The following PRELID2 variants were observed in gnomAD, a reference collection of about 807,000 sequenced individuals.
PRELID2 encodes the protein PRELI domain containing 2, also known as PRELI domain-containing protein 2.
In PRELID2, 25 loss-of-function variants were observed where a neutral mutation model predicts 28.4. That is an observed-to-expected ratio of 0.88 (90% CI 0.64 to 1.23). PRELID2 has a LOEUF of 1.23. PRELID2 is among the 50% of genes most tolerant of loss of function. The probability of loss-of-function intolerance (pLI) is 0.00; values close to 1 mark genes in which losing one functional copy is unlikely to be tolerated. For synonymous variants in PRELID2, 76 were observed against 71.6 expected, an observed-to-expected ratio of 1.06 and a Z score of -0.31; for missense variants, 201 against 214.4, an observed-to-expected ratio of 0.94 and a Z score of 0.39.
chr5:145,682,795 A>C (rs1214153940), intron 1 of PRELID2, among the ~76,000 whole-genome samples: 1 of 152,168 alleles, frequency 6.6e-6, no homozygotes, highest in East Asian at 1.9e-4. Flanking sequence ...GTTACTTGCC[A>C]ATGACCATCG....
chr5:145,410,354 G>A, the PRELID2 span, among the ~76,000 whole-genome samples: 1 of 152,172 alleles, frequency 6.6e-6, no homozygotes. Context: ...CAAAAGAAAT[G>A]ATCAGCAGTG....
chr5:145,538,582 C>T (rs1752721202), intron 1 of PRELID2, among the ~76,000 whole-genome samples: 3 of 151,950 alleles, frequency 2.0e-5, no homozygotes, highest in South Asian at 2.1e-4. Context: ...AAGCATTCTG[C>T]TACTAAAATA....
chr5:145,300,084 T>C, the PRELID2 span, among the ~76,000 whole-genome samples: 1 of 152,170 alleles, frequency 6.6e-6, no homozygotes, highest in East Asian at 1.9e-4. Flanking sequence ...TTGTCCCATC[T>C]TCACTGCCTG....
intron 1 of PRELID2, among the ~76,000 whole-genome samples, chr5:145,701,471 G>A (rs1461163975): frequency 6.6e-6 from 1 of 152,196 alleles, no homozygotes; most frequent in Non-Finnish European, 1.5e-5. Context: ...CTGAACAATA[G>A]TATTGATTTT....
chr5:145,269,358 A>G, the PRELID2 span, among the ~76,000 whole-genome samples: 3 of 152,072 alleles, frequency 2.0e-5, no homozygotes, highest in Non-Finnish European at 4.4e-5. Context: ...TGGCCAAATG[A>G]TTTTTGACAA....
At chr5:145,704,626 G>A (rs1012351275) in intron 1 of PRELID2, among the ~76,000 whole-genome samples, 2 of 152,188 alleles carry the variant, frequency 1.3e-5, no homozygotes, top group Non-Finnish European at 2.9e-5. Flanking sequence ...TCCTCTTAAT[G>A]TCCCCCAGTG....
intron 1 of PRELID2, among the ~76,000 whole-genome samples, chr5:145,644,318 C>A (rs1398322655): frequency 1.3e-5 from 2 of 152,138 alleles, no homozygotes; most frequent in African/African-American, 4.8e-5. Flanking sequence ...TTATAGTATT[C>A]TCCGATGGTA....
At chr5:145,743,802 C>T (rs879624192) in intron 1 of PRELID2, among the ~76,000 whole-genome samples, 2 of 152,228 alleles carry the variant, frequency 1.3e-5, no homozygotes, top group African/African-American at 4.8e-5. Context: ...TAAGCCTACC[C>T]AGCTCCCAGG....
At chr5:145,323,577 C>T in the PRELID2 span, among the ~76,000 whole-genome samples, 1 of 152,120 alleles carries the variant, frequency 6.6e-6, no homozygotes, top group Admixed American at 6.6e-5. Flanking sequence ...AGGTAATAAG[C>T]ATAGTAAATG....
At chr5:145,769,742 T>G (rs192540253) in intron 5 of PRELID2, among the ~76,000 whole-genome samples, 57 of 152,278 alleles carry the variant, frequency 3.7e-4, no homozygotes, top group Non-Finnish European at 5.9e-4. Context: ...CACCATGAAC[T>G]GATGCACCCA....
At chr5:145,276,644 G>A in the PRELID2 span, among the ~76,000 whole-genome samples, 1 of 152,008 alleles carries the variant, frequency 6.6e-6, no homozygotes, top group African/African-American at 2.4e-5. Flanking sequence ...TGTTTATAAA[G>A]AATTATGTGA....
chr5:145,576,038 T>G (rs1380283845), intron 1 of PRELID2, among the ~76,000 whole-genome samples: 1 of 152,170 alleles, frequency 6.6e-6, no homozygotes, highest in Admixed American at 6.5e-5. Context: ...GGAAGCCTAC[T>G]TCTCTAGCTC....
chr5:145,668,129 A>G (rs981122157), intron 1 of PRELID2, among the ~76,000 whole-genome samples: 105 of 152,204 alleles, frequency 6.9e-4, no homozygotes, highest in African/African-American at 2.4e-3. Flanking sequence ...AAGAAATATC[A>G]AAGATTTAGT....
chr5:145,575,527 C>A (rs971912503), intron 1 of PRELID2, among the ~76,000 whole-genome samples: 1 of 152,070 alleles, frequency 6.6e-6, no homozygotes, highest in Non-Finnish European at 1.5e-5. Flanking sequence ...TGTAAAGGGA[C>A]CTTTCTATAG....
chr5:145,360,283 G>A, the PRELID2 span, among the ~76,000 whole-genome samples: 1 of 152,170 alleles, frequency 6.6e-6, no homozygotes, highest in South Asian at 2.1e-4. Context: ...CAGGAGGAAG[G>A]CAGTCCTGAC....
the PRELID2 span, among the ~76,000 whole-genome samples, chr5:145,371,386 T>C: frequency 6.6e-6 from 1 of 151,928 alleles, no homozygotes; most frequent in Non-Finnish European, 1.5e-5. Context: ...TGATTTTGTC[T>C]TGGTTTTATT....
intron 5 of PRELID2, 97 bp from the exon 6 acceptor site, chr5:145,765,097 G>C (rs1244424892): frequency 3.8e-6 from 3 of 792,706 alleles, no homozygotes; most frequent in Admixed American, 5.6e-5. Context: ...TCCAGGTCAT[G>C]GCCATATATT....
the PRELID2 span, among the ~76,000 whole-genome samples, chr5:145,336,952 G>A: frequency 7.9e-6 from 1 of 127,138 alleles, no homozygotes; most frequent in Non-Finnish European, 1.6e-5. Flanking sequence ...TCACACTCTG[G>A]GGACTGTTGT....
At chr5:145,476,990 A>G (rs1752108200) in intron 1 of PRELID2, among the ~76,000 whole-genome samples, 1 of 152,240 alleles carries the variant, frequency 6.6e-6, no homozygotes, top group South Asian at 2.1e-4. Flanking sequence ...TTTTTCAGGC[A>G]TTAGAATTTG....
Sources: allele counts gnomAD v4.1 joint callset (sites outside exome capture counted in the v4.1 genomes callset), GRCh38; gene constraint gnomAD v4.1.1; transcripts MANE v1.5; gene names NCBI Gene and HGNC (gene_info 2026-07-23, HGNC 2026-07-21).